The following TENM4 variants were observed in gnomAD, a reference collection of about 807,000 sequenced individuals.
TENM4 encodes the protein teneurin transmembrane protein 4.
In TENM4, 82 loss-of-function variants were observed where a neutral mutation model predicts 243.3. That is an observed-to-expected ratio of 0.34 (90% CI 0.28 to 0.40). The LOEUF (loss-of-function observed/expected upper bound fraction) is 0.40. TENM4 is among the 10% of genes least tolerant of loss of function. The pLI is 1.00. For missense variants in TENM4, 3,138 were observed against 3,673.3 expected (o/e 0.85, Z 3.77); for synonymous variants, 1,412 against 1,456.3 (o/e 0.97, Z 0.69).
chr11:79,401,748 G>C (rs1298553644), intron 1 of TENM4, among the ~76,000 whole-genome samples: 1 of 152,182 alleles, frequency 6.6e-6, no homozygotes, highest in African/African-American at 2.4e-5. Context: ...GTGACCCCTG[G>C]ATCTTTGATC....
chr11:79,240,615 G>A (rs528655355), intron 2 of TENM4, among the ~76,000 whole-genome samples: 5 of 152,138 alleles, frequency 3.3e-5, no homozygotes, highest in Non-Finnish European at 5.9e-5. Flanking sequence ...CCATTTACTG[G>A]TAAATGGTAA....
In TENM4 at chr11:79,189,863, T is replaced by C. The variant is rs570387492; in HGVS notation, c.-163+25945A>G. On this transcript the variant is annotated intron_variant, in intron 3 of 33. Coordinates refer to ENST00000278550, the MANE Select transcript of TENM4 (RefSeq NM_001098816.3). ...TCAGACTTGCCTGCGCAGCCTCCGT[T>C]GATGGCCCCACTCCTGTTGTCAGAT... 5.9e-5 allele frequency among the ~76,000 whole-genome samples: 9 copies of C among 152,334 alleles called. No individual in the cohort carries two copies. The South Asian group carries it at 1.9e-3, about 32-fold the overall frequency.
At chr11:79,296,444 C>G (rs1447539958) in intron 2 of TENM4, among the ~76,000 whole-genome samples, 1 of 152,168 alleles carries the variant, frequency 6.6e-6, no homozygotes, top group East Asian at 1.9e-4. Context: ...CAGCTTACTG[C>G]GAGCTCACAG....
At chr11:78,799,802 A>G (rs932093414) in intron 15 of TENM4, among the ~76,000 whole-genome samples, 1 of 152,258 alleles carries the variant, frequency 6.6e-6, no homozygotes, top group Non-Finnish European at 1.5e-5. Flanking sequence ...TTTACAGGCA[A>G]AATCTCTGCC....
At chr11:79,272,659 C>G (rs76527570) in intron 2 of TENM4, among the ~76,000 whole-genome samples, 3,675 of 152,120 alleles carry the variant, frequency 0.024, 135 homozygotes, top group African/African-American at 0.084. Context: ...ACACTCTGGC[C>G]TCTTCTCACA....
chr11:78,875,356 A>T (rs1859243641), intron 9 of TENM4, among the ~76,000 whole-genome samples: 1 of 152,064 alleles, frequency 6.6e-6, no homozygotes, highest in African/African-American at 2.4e-5. Context: ...TGCGTGCACC[A>T]CCATGCCCAG....
chr11:79,068,982 C>T (rs1474375441), intron 5 of TENM4, among the ~76,000 whole-genome samples: 3 of 152,076 alleles, frequency 2.0e-5, no homozygotes, highest in African/African-American at 4.8e-5. Flanking sequence ...TGGCTAGAGG[C>T]GGGCAGCTCT....
At chr11:78,685,444 A>G (rs1362517627) in intron 29 of TENM4, among the ~76,000 whole-genome samples, 1 of 152,234 alleles carries the variant, frequency 6.6e-6, no homozygotes, top group East Asian at 1.9e-4. Context: ...ACCAAAGAGG[A>G]AAAACAGGTA....
At chr11:79,275,522 C>T (rs1022763683) in intron 2 of TENM4, among the ~76,000 whole-genome samples, 4 of 152,212 alleles carry the variant, frequency 2.6e-5, no homozygotes, top group African/African-American at 4.8e-5. Context: ...AACACAACTC[C>T]ACCAGGCAGG....
chr11:78,913,583 A>ATG (rs55835050), intron 6 of TENM4, among the ~76,000 whole-genome samples: 2,023 of 141,886 alleles, frequency 0.014, 41 homozygotes, highest in African/African-American at 0.046. Context: ...GGTAAGAGGT[A>ATG]TGTGTGTGTG....
At chr11:78,783,721 G>C (rs1276649548) in intron 16 of TENM4, among the ~76,000 whole-genome samples, 1 of 152,244 alleles carries the variant, frequency 6.6e-6, no homozygotes, top group Non-Finnish European at 1.5e-5. Context: ...TACTGTCATT[G>C]AAGAGGATGC....
In TENM4 at chr11:79,110,320, TCA is replaced by T. The variant is rs1232517010; in HGVS notation, c.-66+38388_-66+38389del. Reference sequence around the variant, plus strand: ...CACAGAGAATCTGGTGCTGTTTGTCTCACACTGCAGCCCCCTCCCTAGCCACC... The same window carrying T: ...CACAGAGAATCTGGTGCTGTTTGTCTCACTGCAGCCCCCTCCCTAGCCACC... On this transcript the variant is annotated intron_variant, in intron 4 of 33. Transcript: ENST00000278550. 2.6e-5 allele frequency among the ~76,000 whole-genome samples: 4 copies of T among 152,292 alleles called. No individual in the cohort carries two copies. In the East Asian group the frequency reaches 7.7e-4, roughly 29 times the overall value.
At chr11:79,389,750 C>A (rs1476674764) in intron 1 of TENM4, among the ~76,000 whole-genome samples, 1 of 152,184 alleles carries the variant, frequency 6.6e-6, no homozygotes, top group Non-Finnish European at 1.5e-5. Context: ...AAAGAAGTTC[C>A]ATTTCTCCCA....
intron 15 of TENM4, among the ~76,000 whole-genome samples, chr11:78,800,597 CTG>C (rs1166115040): frequency 7.9e-5 from 12 of 152,144 alleles, no homozygotes; most frequent in Admixed American, 7.2e-4. Flanking sequence ...CCTCTCTTCC[CTG>C]TGTTTCCAGG....
In TENM4 at chr11:78,757,588, C is replaced by T. The variant is rs563755886; in HGVS notation, c.2540-567G>A. ...AGAAGAGGGCATCGCTGAGGTTGCA[C>T]AGGTGAAAAATAAAGGTTGCTTAGA... On this transcript the variant is annotated intron_variant, in intron 18 of 33. Transcript: ENST00000278550. 1.1e-3 allele frequency among the ~76,000 whole-genome samples: 173 copies of T among 152,296 alleles called. 1 individual carries two copies. The highest frequency in any genetic ancestry group is 4.0e-3 in the African/African-American group (165 of 41,562).
intron 6 of TENM4, among the ~76,000 whole-genome samples, chr11:79,048,794 C>T (rs942449427): frequency 3.3e-5 from 5 of 152,126 alleles, no homozygotes; most frequent in Non-Finnish European, 5.9e-5. Flanking sequence ...ACTCCACAAC[C>T]TTTAAGTTGC....
chr11:79,047,543 C>G (rs1238046655), intron 6 of TENM4, among the ~76,000 whole-genome samples: 3 of 152,202 alleles, frequency 2.0e-5, no homozygotes, highest in South Asian at 4.1e-4. Context: ...CTGTCACAGT[C>G]TGTGGTCCTG....
chr11:79,232,188 G>C (rs1314049541), intron 2 of TENM4, among the ~76,000 whole-genome samples: 1 of 152,238 alleles, frequency 6.6e-6, no homozygotes, highest in Non-Finnish European at 1.5e-5. Context: ...AGAGCCAAGG[G>C]TTCCAACCCA....
rs140010952 is a variant in TENM4, at chr11:79,128,162, G to A, written c.-66+20548C>T. Among the ~76,000 whole-genome samples, 1,285 of 152,300 alleles carry A rather than the reference G, an allele frequency of 8.4e-3. 16 individuals carry two copies. The highest frequency in any genetic ancestry group is 0.03 in the African/African-American group (1,246 of 41,558). ...GGATGATGTTTGGAGCCTTTGGCAG[G>A]CCCTCATAAGTAAATCACAGCAGAG... On this transcript the variant is annotated intron_variant, in intron 4 of 33. Transcript: ENST00000278550.
Sources: allele counts gnomAD v4.1 joint callset (sites outside exome capture counted in the v4.1 genomes callset), GRCh38; gene constraint gnomAD v4.1.1; transcripts MANE v1.5; gene names NCBI Gene and HGNC (gene_info 2026-07-23, HGNC 2026-07-21).